The following ARSB variants were observed in gnomAD, a reference collection of about 807,000 sequenced individuals.
ARSB encodes N-acetylgalactosamine-4-sulfatase.
Under a neutral mutation model 50.9 loss-of-function variants are expected in ARSB, and 41 were observed. That is an observed-to-expected ratio of 0.81 (90% CI 0.63 to 1.04). ARSB has a LOEUF of 1.04. Ranked by LOEUF, ARSB falls within the 50% of genes least tolerant of loss-of-function variation. The pLI is 0.00. For synonymous variants in ARSB, 269 were observed against 284.8 expected (o/e 0.94, Z 0.56); for missense variants, 672 against 693.3 (o/e 0.97, Z 0.35).
chr5:78,783,312 C>T (rs1256651030), intron 6 of ARSB: 1 of 151,910 alleles, frequency 6.6e-6, no homozygotes, highest in Non-Finnish European at 1.5e-5. Flanking sequence ...AGCCCTTATC[C>T]TCACCCAAGC....
At chr5:78,910,351 C>T (rs1749254044) in intron 4 of ARSB, among the ~76,000 whole-genome samples, 2 of 152,214 alleles carry the variant, frequency 1.3e-5, no homozygotes, top group African/African-American at 2.4e-5. Flanking sequence ...TGTGGAGGGG[C>T]TGGCCCCCTT....
chr5:78,813,034 T>G (rs1307554046), intron 6 of ARSB, among the ~76,000 whole-genome samples: 1 of 152,060 alleles, frequency 6.6e-6, no homozygotes, highest in Non-Finnish European at 1.5e-5. Flanking sequence ...GTTTACAAAT[T>G]ATGTGTACAG....
At chr5:78,909,721 G>A (rs1203552680) in intron 4 of ARSB, among the ~76,000 whole-genome samples, 1 of 152,172 alleles carries the variant, frequency 6.6e-6, no homozygotes, top group Non-Finnish European at 1.5e-5. Flanking sequence ...CTCCCCATGT[G>A]ATAGTCTGAA....
intron 1 of ARSB, among the ~76,000 whole-genome samples, chr5:78,971,835 C>T (rs1010194596): frequency 6.6e-6 from 1 of 152,150 alleles, no homozygotes; most frequent in Non-Finnish European, 1.5e-5. Flanking sequence ...ATATACCTAT[C>T]AAAGTTTATC....
At chr5:78,851,379 T>A (rs1298545015) in intron 5 of ARSB, among the ~76,000 whole-genome samples, 2 of 152,302 alleles carry the variant, frequency 1.3e-5, no homozygotes, top group Non-Finnish European at 2.9e-5. Flanking sequence ...TTTGAGTGAG[T>A]TTCTGAATCC....
chr5:78,966,017 T>G (rs919342706), intron 2 of ARSB, among the ~76,000 whole-genome samples: 2 of 152,196 alleles, frequency 1.3e-5, no homozygotes, highest in African/African-American at 4.8e-5. Context: ...CATGGGTGAT[T>G]AGAATGTCAG....
At chr5:78,953,437 T>G (rs1456048587) in intron 4 of ARSB, among the ~76,000 whole-genome samples, 1 of 152,250 alleles carries the variant, frequency 6.6e-6, no homozygotes, top group Non-Finnish European at 1.5e-5. Context: ...GAATCCATTA[T>G]CATGAGGATT....
chr5:78,823,699 C>T (rs1744324187), intron 6 of ARSB, among the ~76,000 whole-genome samples: 1 of 152,158 alleles, frequency 6.6e-6, no homozygotes, highest in African/African-American at 2.4e-5. Flanking sequence ...GGAAAAGAGA[C>T]CAAGCTTCTG....
chr5:78,893,079 C>T (rs1254616388), intron 4 of ARSB, among the ~76,000 whole-genome samples: 1 of 151,246 alleles, frequency 6.6e-6, no homozygotes, highest in African/African-American at 2.4e-5. Flanking sequence ...TTCCCCCATA[C>T]TGTTCTCGTG....
At chr5:78,962,276 T>C (rs544587361) in intron 3 of ARSB, among the ~76,000 whole-genome samples, 10 of 152,340 alleles carry the variant, frequency 6.6e-5, no homozygotes, top group African/African-American at 2.4e-4. Context: ...AAATGTCAAA[T>C]ATGTAGAAGA....
chr5:78,955,576 A>T, intron 3 of ARSB, 74 bp from the exon 4 acceptor site: 1 of 1,203,754 alleles, frequency 8.3e-7, no homozygotes. Context: ...GACAGTTCAG[A>T]TTTATGCATT....
chr5:78,984,028 T>C (rs184557811), intron 1 of ARSB, among the ~76,000 whole-genome samples: 8 of 152,226 alleles, frequency 5.3e-5, no homozygotes, highest in Admixed American at 3.3e-4. Flanking sequence ...CGTATTCAGA[T>C]TGAGGGGAAA....
At chr5:78,961,805 C>A (rs1230465938) in intron 3 of ARSB, among the ~76,000 whole-genome samples, 1 of 151,882 alleles carries the variant, frequency 6.6e-6, no homozygotes, top group Non-Finnish European at 1.5e-5. Flanking sequence ...CCCTGAATGA[C>A]CCATCCGAGA....
chr5:78,924,509 C>T (rs1749963939), intron 4 of ARSB, among the ~76,000 whole-genome samples: 2 of 152,176 alleles, frequency 1.3e-5, no homozygotes, highest in African/African-American at 2.4e-5. Context: ...TATGGCTTTG[C>T]CCAGCCTTGG....
rs369861377 is a variant in ARSB, at chr5:78,849,127, T to A, written c.1143-9701A>T. On this transcript the variant is annotated intron_variant, in intron 5 of 7. Coordinates refer to ENST00000264914, the MANE Select transcript of ARSB (RefSeq NM_000046.5). ...GCCATTGCTTTTGGTGTTTTAGACA[T>A]GAAGTCCTTGCCCATGCCTATGTCC... 3.3e-5 allele frequency among the ~76,000 whole-genome samples: 5 copies of A among 152,194 alleles called. No homozygotes were observed. The East Asian group carries it at 9.6e-4, about 29-fold the overall frequency.
chr5:78,981,234 GCC>G (rs1401677991), intron 1 of ARSB, among the ~76,000 whole-genome samples: 3 of 150,260 alleles, frequency 2.0e-5, no homozygotes, highest in African/African-American at 2.5e-5. Context: ...ACAGGCGTGA[GCC>G]ACCGCGCCCG....
rs190984995 is a variant in ARSB at position 78,943,103 on chromosome 5, C to T, written c.898+12192G>A. The stretch of plus-strand genomic sequence containing the variant: ...TTTTATCAGAGACTAGGATTGCAAT[C>T]CCTGCCTTTTTTTGTTTTTCATTTG... On this transcript the variant is annotated intron_variant, in intron 4 of 7. Transcript: ENST00000264914. Among the ~76,000 whole-genome samples the T allele has an allele frequency of 1.5e-3, 222 of 152,266 alleles. 1 individual carries two copies. The highest frequency in any genetic ancestry group is 5.0e-3 in the African/African-American group (208 of 41,558).
intron 5 of ARSB, among the ~76,000 whole-genome samples, chr5:78,853,211 T>A (rs913693555): frequency 1.3e-5 from 2 of 152,236 alleles, no homozygotes. Flanking sequence ...TCTTTGATGA[T>A]GGTGATGTAC....
intron 4 of ARSB, among the ~76,000 whole-genome samples, chr5:78,921,126 T>C (rs376016275): frequency 1.3e-5 from 2 of 152,188 alleles, no homozygotes; most frequent in Admixed American, 1.3e-4. Context: ...ATGATCTAAA[T>C]TTCCACTCTG....
Sources: allele counts gnomAD v4.1 joint callset (sites outside exome capture counted in the v4.1 genomes callset), GRCh38; gene constraint gnomAD v4.1.1; transcripts MANE v1.5; gene names NCBI Gene and HGNC (gene_info 2026-07-23, HGNC 2026-07-21).